The following STOX1 variants were observed in gnomAD, a reference collection of about 807,000 sequenced individuals.
STOX1 encodes the protein storkhead box 1, also known as storkhead-box protein 1.
In STOX1, 57 loss-of-function variants were observed where a neutral mutation model predicts 74.8. That is an observed-to-expected ratio of 0.76 (90% CI 0.62 to 0.95). The LOEUF (loss-of-function observed/expected upper bound fraction) is 0.95, where lower values mean the gene tolerates loss of function less well. Ranked by LOEUF, STOX1 falls within the 40% of genes least tolerant of loss-of-function variation. The pLI is 0.00. For missense variants in STOX1, 1,010 were observed against 1,117.0 expected (o/e 0.90, Z 1.37); for synonymous variants, 375 against 401.3 (o/e 0.93, Z 0.78).
intron 1 of STOX1, among the ~76,000 whole-genome samples, chr10:68,834,489 C>T (rs908161334): frequency 5.3e-5 from 8 of 152,192 alleles, no homozygotes; most frequent in African/African-American, 1.7e-4. Flanking sequence ...CCTTGAATGA[C>T]AGTAGGACAT....
intron 1 of STOX1, among the ~76,000 whole-genome samples, chr10:68,875,959 C>T (rs1372648291): frequency 1.3e-5 from 2 of 152,016 alleles, no homozygotes; most frequent in African/African-American, 2.4e-5. Flanking sequence ...AATTGGGCAT[C>T]CACATGCTAC....
At chr10:68,867,377 T>C (rs972190138) in intron 1 of STOX1, among the ~76,000 whole-genome samples, 3 of 151,966 alleles carry the variant, frequency 2.0e-5, no homozygotes, top group Non-Finnish European at 4.4e-5. Context: ...ATCTGGGGGG[T>C]ATATCCTAAC....
rs563731891 is a variant in STOX1, at chr10:68,868,401, C to T, written c.311-13557C>T. ...AGGAACATGTCCTTAAGGCACAGAT[C>T]GCTCATGCCATTGTTTGTGGTTTAG... is the stretch of plus-strand genomic sequence containing the variant. On this transcript the variant is annotated intron_variant, in intron 1 of 3. Transcript: ENST00000298596. 3.9e-5 allele frequency among the ~76,000 whole-genome samples: 6 copies of T among 152,356 alleles called. No homozygotes were observed. The South Asian group carries it at 6.2e-4, about 16-fold the overall frequency.
chr10:68,866,081 A>G (rs1391377663), intron 1 of STOX1, among the ~76,000 whole-genome samples: 5 of 152,030 alleles, frequency 3.3e-5, no homozygotes, highest in Non-Finnish European at 7.3e-5. Context: ...CATGCATCAT[A>G]GATTGACTTT....
intron 1 of STOX1, among the ~76,000 whole-genome samples, chr10:68,848,035 G>A (rs954702310): frequency 2.0e-5 from 3 of 152,138 alleles, no homozygotes; most frequent in African/African-American, 7.2e-5. Context: ...CTGGCCAATA[G>A]AAGTATTTTT....
At chr10:68,846,411 A>G (rs998932601) in intron 1 of STOX1, among the ~76,000 whole-genome samples, 2 of 152,072 alleles carry the variant, frequency 1.3e-5, no homozygotes, top group African/African-American at 4.8e-5. Context: ...CGGCCCCCCA[A>G]AGTCCTGGGA....
intron 1 of STOX1, among the ~76,000 whole-genome samples, chr10:68,841,047 A>T (rs1839681212): frequency 6.6e-6 from 1 of 151,874 alleles, no homozygotes; most frequent in Non-Finnish European, 1.5e-5. Context: ...ACCAGAGTTC[A>T]AGCGATTCTC....
At chr10:68,851,541 A>C (rs1157841937) in intron 1 of STOX1, among the ~76,000 whole-genome samples, 1 of 152,014 alleles carries the variant, frequency 6.6e-6, no homozygotes, top group African/African-American at 2.4e-5. Context: ...TGTACCCCCC[A>C]AAATATGTAC....
At chr10:68,859,166 T>G (rs1840199256) in intron 1 of STOX1, among the ~76,000 whole-genome samples, 1 of 152,112 alleles carries the variant, frequency 6.6e-6, no homozygotes, top group Non-Finnish European at 1.5e-5. Flanking sequence ...TAATCCTGTA[T>G]TGATGTTAAC....
intron 3 of STOX1, among the ~76,000 whole-genome samples, chr10:68,890,185 A>G (rs1841064732): frequency 6.6e-6 from 1 of 151,020 alleles, no homozygotes; most frequent in South Asian, 2.1e-4. Context: ...TTTTTTTAAG[A>G]GACAAGGTCT....
At chr10:68,835,375 A>T (rs541808522) in intron 1 of STOX1, among the ~76,000 whole-genome samples, 30 of 151,528 alleles carry the variant, frequency 2.0e-4, no homozygotes, top group Non-Finnish European at 4.4e-4. Flanking sequence ...AGAGGGTTTC[A>T]CTCTGTCATC....
chr10:68,892,852 C>G lies in STOX1; in HGVS notation c.*116C>G. On this transcript the variant is annotated 3_prime_UTR_variant, in exon 4 of 4. Coordinates refer to ENST00000298596, the MANE Select transcript of STOX1 (RefSeq NM_152709.5). ...TTGTCTAAAGGCAAGCATATCTATA[C>G]TATTAACCACATTACACATTTTGTT... 8.8e-7 allele frequency: 1 copy of G among 1,141,430 alleles called. No individual in the cohort carries two copies. 70.7% of individuals were successfully genotyped at this position (1,141,430 alleles called of 1,614,324 possible).
chr10:68,844,294 C>CTTTT (rs777175392), intron 1 of STOX1, among the ~76,000 whole-genome samples: 1,225 of 103,766 alleles, frequency 0.012, 5 homozygotes, highest in Non-Finnish European at 0.016. Context: ...TCTGGATCTT[C>CTTTT]TTTTTTTTTT....
chr10:68,884,582 A>G lies in STOX1; in HGVS notation c.786A>G (p.Ala262=), dbSNP rs770861179. ...ATGTTCAGGAAGCACCAGTTGCTGC[A>G]GAAGTGACTAGGAAGAGTCACAGAG... ...TQDVQEAPVA[A]EVTRKSHRGL... The change falls in exon 3 of 4, where the codon GCA becomes GCG. Residue 262 remains alanine (A), a synonymous_variant. Coordinates refer to ENST00000298596, the MANE Select transcript of STOX1 (RefSeq NM_152709.5). 22 of 1,613,780 alleles carry G rather than the reference A, an allele frequency of 1.4e-5. No homozygotes were observed. The highest frequency in any genetic ancestry group is 1.7e-6 in the Non-Finnish European group (2 of 1,180,042).
rs1340994366 is a variant in STOX1 at position 68,884,668 on chromosome 10, A to G, written c.872A>G (p.His291Arg). 2.5e-6 allele frequency: 4 copies of G among 1,614,188 alleles called. No homozygotes were observed. The highest frequency in any genetic ancestry group is 3.4e-6 in the Non-Finnish European group (4 of 1,180,048). Reference protein sequence around the residue: ...NGAVSVSAEHHICESTKPLPY... With the variant: ...NGAVSVSAEHRICESTKPLPY... ...GCAGTTTCAGTGTCTGCGGAGCACC[A>G]CATTTGTGAGAGCACCAAACCTTTA... Residue 291 changes from histidine to arginine, a missense_variant, in exon 3 of 4, where the codon CAC becomes CGC. By Grantham distance (29) the His-to-Arg change is conservative (BLOSUM62 0). Transcript: ENST00000298596.
intron 1 of STOX1, among the ~76,000 whole-genome samples, chr10:68,841,468 G>A (rs934493422): frequency 6.6e-6 from 1 of 151,900 alleles, no homozygotes; most frequent in African/African-American, 2.4e-5. Flanking sequence ...CAAATAATAT[G>A]GATAGACATA....
intron 1 of STOX1, among the ~76,000 whole-genome samples, chr10:68,833,041 A>T (rs1344743553): frequency 1.4e-5 from 2 of 146,070 alleles, no homozygotes; most frequent in Non-Finnish European, 3.0e-5. Context: ...AAGTGCTGGG[A>T]TTACAGGCAT....
At chr10:68,877,540 T>G (rs568727102) in intron 1 of STOX1, among the ~76,000 whole-genome samples, 1 of 152,200 alleles carries the variant, frequency 6.6e-6, no homozygotes, top group Non-Finnish European at 1.5e-5. Context: ...TGAAAATCTA[T>G]CTTGACTATT....
At chr10:68,839,770 A>G (rs1839648290) in intron 1 of STOX1, among the ~76,000 whole-genome samples, 1 of 152,102 alleles carries the variant, frequency 6.6e-6, no homozygotes, top group Admixed American at 6.6e-5. Flanking sequence ...GGAGCCTGTA[A>G]TCCCAGCTAC....
Sources: gnomAD v4.1 joint callset for allele counts (sites outside exome capture counted in the v4.1 genomes callset) on GRCh38, gnomAD v4.1.1 for gene constraint, MANE v1.5 for transcripts, NCBI Gene and HGNC (gene_info 2026-07-23, HGNC 2026-07-21) for gene names.